MITF: variants seen among roughly 807,000 people sequenced by gnomAD.
MITF encodes the protein microphthalmia-associated transcription factor.
A neutral mutation model predicts 60.5 loss-of-function variants in MITF; 17 were observed. That is an observed-to-expected ratio of 0.28 (90% CI 0.19 to 0.42). MITF has a LOEUF of 0.42. MITF is among the 10% of genes least tolerant of loss of function. The pLI is 1.00. For synonymous variants in MITF, 260 were observed against 248.5 expected (o/e 1.05, Z -0.43); for missense variants, 622 against 683.5 (o/e 0.91, Z 1.00).
At chr3:69,964,804 G>A (rs774185709) in intron 9 of MITF, 43 bp from the exon 10 acceptor site, 1 of 1,601,228 alleles carries the variant, frequency 6.2e-7, no homozygotes, top group African/African-American at 1.3e-5. Context: ...AAAGTCCTCT[G>A]TGCTCTGCCT....
intron 9 of MITF, 132 bp from the exon 10 acceptor site, chr3:69,964,715 A>G: frequency 2.6e-6 from 1 of 390,110 alleles, no homozygotes; most frequent in South Asian, 3.3e-5. Flanking sequence ...CTGGTATTGT[A>G]CATTTTGTGG....
intron 1 of MITF, among the ~76,000 whole-genome samples, chr3:69,848,668 T>A (rs1277196870): frequency 6.6e-6 from 1 of 152,142 alleles, no homozygotes; most frequent in Non-Finnish European, 1.5e-5. Flanking sequence ...TTTGCAAAAA[T>A]TTATGTTTTC....
At position 69,965,498 on chromosome 3, in the gene MITF, C is replaced by A. The variant is rs1286817259; in HGVS notation, c.*250C>A. ...GTGCAGTATCTGTGAACTGAATTCA[C>A]CACAGACTTTAGCTTTCTGAGCAAG... is the stretch of plus-strand genomic sequence containing the variant. On this transcript the variant is annotated 3_prime_UTR_variant, in exon 10 of 10. Coordinates refer to ENST00000352241, the MANE Select transcript of MITF (RefSeq NM_001354604.2). 1 of 376,720 alleles carries A rather than the reference C, an allele frequency of 2.7e-6. No homozygotes were observed. The highest frequency in any genetic ancestry group is 4.8e-6 in the Non-Finnish European group (1 of 207,368). The allele number at this position is 376,720 out of a possible 1,614,324, so 23.3% of individuals were successfully genotyped here.
At chr3:69,938,400 G>C in intron 3 of MITF, 1 of 1,554,902 alleles carries the variant, frequency 6.4e-7, no homozygotes, top group Middle Eastern at 1.7e-4. Context: ...AGGTGGAAAA[G>C]GAAAAGCAAA....
At chr3:69,873,728 C>G (rs2064289446) in intron 1 of MITF, among the ~76,000 whole-genome samples, 1 of 152,150 alleles carries the variant, frequency 6.6e-6, no homozygotes, top group Non-Finnish European at 1.5e-5. Context: ...AGAAAGTATT[C>G]TGGTCTAAGA....
At chr3:69,785,882 G>T (rs1233456914) in intron 1 of MITF, among the ~76,000 whole-genome samples, 2 of 152,140 alleles carry the variant, frequency 1.3e-5, no homozygotes, top group Non-Finnish European at 2.9e-5. Flanking sequence ...CACATCCAGG[G>T]TGATCTGTAC....
chr3:69,800,277 T>G lies in MITF; in HGVS notation c.104+60576T>G, dbSNP rs974444195. On this transcript the variant is annotated intron_variant, in intron 1 of 9. Coordinates refer to ENST00000352241, the MANE Select transcript of MITF (RefSeq NM_001354604.2). ...TTCAGCCTTGAAAGGAATGACCTTT[T>G]TATGGTCATTCCTTTTTATGGACAA... 8.5e-5 allele frequency among the ~76,000 whole-genome samples: 13 copies of G among 152,354 alleles called. No homozygotes were observed. The South Asian group carries it at 1.7e-3, about 19-fold the overall frequency.
At chr3:69,800,586 G>C (rs974455595) in intron 1 of MITF, among the ~76,000 whole-genome samples, 11 of 151,924 alleles carry the variant, frequency 7.2e-5, no homozygotes, top group African/African-American at 2.7e-4. Flanking sequence ...AATGTGTCAG[G>C]GTGCCAGTTT....
intron 1 of MITF, among the ~76,000 whole-genome samples, chr3:69,823,648 TA>T (rs2063311372): frequency 6.6e-6 from 1 of 152,220 alleles, no homozygotes; most frequent in African/African-American, 2.4e-5. Context: ...AAATATGTAT[TA>T]TGGATTATAG....
At chr3:69,795,513 C>A (rs2062813208) in intron 1 of MITF, among the ~76,000 whole-genome samples, 1 of 152,012 alleles carries the variant, frequency 6.6e-6, no homozygotes, top group Non-Finnish European at 1.5e-5. Context: ...ATCTCCTGAG[C>A]CCAGGAGTTT....
chr3:69,818,441 G>T (rs982863160), intron 1 of MITF, among the ~76,000 whole-genome samples: 2 of 152,038 alleles, frequency 1.3e-5, no homozygotes, highest in African/African-American at 4.8e-5. Context: ...TCAAATCTTA[G>T]CTTCAGTATC....
chr3:69,940,734 G>GA (rs1015108518), intron 4 of MITF, among the ~76,000 whole-genome samples: 14 of 152,256 alleles, frequency 9.2e-5, no homozygotes, highest in Middle Eastern at 3.4e-3. Context: ...CGTCTTTAGG[G>GA]AAAAAAGGAA....
chr3:69,876,053 C>T (rs2107265431), intron 1 of MITF, among the ~76,000 whole-genome samples: 1 of 152,188 alleles, frequency 6.6e-6, no homozygotes, highest in South Asian at 2.1e-4. Context: ...TACTGGTCTA[C>T]TTCATACATA....
chr3:69,833,228 T>C (rs1433687994), intron 1 of MITF, among the ~76,000 whole-genome samples: 3 of 152,260 alleles, frequency 2.0e-5, no homozygotes, highest in Admixed American at 2.0e-4. Context: ...GTTATTTCCC[T>C]GTTTACACTG....
chr3:69,898,672 C>T (rs894858718), intron 2 of MITF, among the ~76,000 whole-genome samples: 4 of 152,028 alleles, frequency 2.6e-5, no homozygotes, highest in African/African-American at 9.7e-5. Context: ...GCTTGGAGAA[C>T]CAGGATGGTA....
At chr3:69,925,109 C>T (rs1281886836) in intron 2 of MITF, among the ~76,000 whole-genome samples, 1 of 152,008 alleles carries the variant, frequency 6.6e-6, no homozygotes, top group Non-Finnish European at 1.5e-5. Flanking sequence ...TCATAGAGAA[C>T]ATTATTTATT....
chr3:69,918,787 G>T (rs1179003479), intron 2 of MITF, among the ~76,000 whole-genome samples: 4 of 152,158 alleles, frequency 2.6e-5, no homozygotes, highest in Admixed American at 2.6e-4. Flanking sequence ...CTCAATAAAA[G>T]TTAACCTTCC....
At chr3:69,784,424 GAA>G (rs1393936370) in intron 1 of MITF, among the ~76,000 whole-genome samples, 1 of 152,148 alleles carries the variant, frequency 6.6e-6, no homozygotes, top group African/African-American at 2.4e-5. Flanking sequence ...AATCCTTTGA[GAA>G]GACATTTTGA....
intron 9 of MITF, among the ~76,000 whole-genome samples, chr3:69,959,937 G>T (rs551624399): frequency 6.6e-6 from 1 of 152,288 alleles, no homozygotes; most frequent in Non-Finnish European, 1.5e-5. Context: ...AGTGCTATTG[G>T]CTGTGAGTTT....
Sources: allele counts gnomAD v4.1 joint callset (sites outside exome capture counted in the v4.1 genomes callset), GRCh38; gene constraint gnomAD v4.1.1; transcripts MANE v1.5; gene names NCBI Gene and HGNC (gene_info 2026-07-23, HGNC 2026-07-21).